CLIP1: variants seen among roughly 807,000 people sequenced by gnomAD.
CLIP1 encodes the protein CAP-Gly domain-containing linker protein 1.
A neutral mutation model predicts 161.6 loss-of-function variants in CLIP1; 66 were observed. The observed-to-expected ratio is 0.41, with a 90% CI of 0.33 to 0.50. The LOEUF (loss-of-function observed/expected upper bound fraction) is 0.50. Among genes scored for constraint, CLIP1 ranks in the 20% least tolerant of loss-of-function variants. The pLI, the probability that CLIP1 is intolerant of heterozygous loss-of-function variation, is 0.27. For missense variants in CLIP1, 1,376 were observed against 1,702.0 expected, an observed-to-expected ratio of 0.81 and a Z score of 3.37; for synonymous variants, 598 against 626.2, an observed-to-expected ratio of 0.96 and a Z score of 0.67.
chr12:122,316,748 C>G lies in CLIP1; in HGVS notation c.3473+1G>C. The G allele has an allele frequency of 6.7e-7, 1 of 1,500,254 alleles. No homozygotes were observed. Among genetic ancestry groups the G allele is most frequent in the Non-Finnish European group, 9.1e-7 (1 of 1,102,874 alleles). 92.9% of individuals were successfully genotyped at this position (1,500,254 alleles called of 1,614,324 possible). On this transcript the variant is annotated splice_donor_variant, in intron 19 of 25. Transcript: ENST00000620786. LOFTEE classifies it high-confidence loss of function. The stretch of plus-strand genomic sequence containing the variant: ...TTTTTTCTCAAAGGATAGAAACTTA[C>G]ATTTCTTTCCTAAATTCTTCCATTT...
chr12:122,400,014 T>C (rs1321696370), intron 1 of CLIP1: 1 of 152,136 alleles, frequency 6.6e-6, no homozygotes, highest in African/African-American at 2.4e-5. Flanking sequence ...CACAGCTTAA[T>C]CCTGTCCCCT....
rs781147483 is a variant in CLIP1 at position 122,278,140 on chromosome 12, G to A, written c.3966+14C>T. 6.2e-7 allele frequency: 1 copy of A among 1,606,174 alleles called. No individual in the cohort carries two copies. The highest frequency in any genetic ancestry group is 1.3e-5 in the African/African-American group (1 of 74,650). ...AAACAGCAAGAAAGTAAAGCAATAA[G>A]GCAGGAACATTACCTGACTCTCCTG... is the stretch of plus-strand genomic sequence containing the variant. On this transcript the variant is annotated intron_variant, in intron 24 of 25. Coordinates refer to ENST00000620786, the MANE Select transcript of CLIP1 (RefSeq NM_001247997.2).
chr12:122,330,738 T>G (rs1181961108), intron 15 of CLIP1, among the ~76,000 whole-genome samples: 2 of 150,600 alleles, frequency 1.3e-5, no homozygotes, highest in Non-Finnish European at 3.0e-5. Context: ...TAGCTGGGAA[T>G]CCAGGCACCT....
At chr12:122,390,267 C>CATATATATATACATATATATATAT (rs1335051470) in intron 1 of CLIP1, among the ~76,000 whole-genome samples, 1 of 71,290 alleles carries the variant, frequency 1.4e-5, no homozygotes, top group East Asian at 6.1e-4. Flanking sequence ...TATACACACA[C>CATATATATATACATATATATATAT]ATATATATAT....
intron 3 of CLIP1, among the ~76,000 whole-genome samples, chr12:122,370,302 T>C (rs1762072854): frequency 6.6e-6 from 1 of 152,036 alleles, no homozygotes; most frequent in African/African-American, 2.4e-5. Context: ...GCACTGCAAG[T>C]CCAAGGAAGG....
At chr12:122,336,025 G>A (rs1259100638) in intron 12 of CLIP1, among the ~76,000 whole-genome samples, 5 of 152,024 alleles carry the variant, frequency 3.3e-5, no homozygotes, top group South Asian at 2.1e-4. Flanking sequence ...GTTTAAACTC[G>A]GGTTTTCAGT....
At chr12:122,332,273 CAAG>C (rs1952009618) in intron 15 of CLIP1, among the ~76,000 whole-genome samples, 1 of 101,528 alleles carries the variant, frequency 9.8e-6, no homozygotes, top group Non-Finnish European at 2.0e-5. Flanking sequence ...CCAGACTGGG[CAAG>C]AAGAGCAAAA....
chr12:122,399,836 T>C (rs778291222), intron 1 of CLIP1: 7 of 152,158 alleles, frequency 4.6e-5, no homozygotes, highest in Non-Finnish European at 7.3e-5. Flanking sequence ...TAAAATGCTG[T>C]ATGTCCATGA....
At chr12:122,280,503 G>C (rs979971547) in intron 21 of CLIP1, 2 of 152,242 alleles carry the variant, frequency 1.3e-5, no homozygotes, top group African/African-American at 4.8e-5. Flanking sequence ...CGGGATCCTA[G>C]TTTGGATGCT....
At chr12:122,324,447 A>G (rs1455122489) in intron 17 of CLIP1, 1 of 152,246 alleles carries the variant, frequency 6.6e-6, no homozygotes, top group African/African-American at 2.4e-5. Context: ...TGCAAGCCCA[A>G]ATAACTTAAT....
chr12:122,422,807 G>A (rs1216436899), upstream of CLIP1, among the ~76,000 whole-genome samples: 1 of 146,048 alleles, frequency 6.8e-6, no homozygotes, highest in Admixed American at 6.8e-5. Flanking sequence ...CCGCCTCTTT[G>A]TCTGCGCCCA....
At chr12:122,357,663 A>G (rs1441869263) in intron 5 of CLIP1, among the ~76,000 whole-genome samples, 3 of 146,050 alleles carry the variant, frequency 2.1e-5, no homozygotes, top group Non-Finnish European at 4.5e-5. Flanking sequence ...CTGCCCGGCC[A>G]GCCGCCCCGT....
rs985077083 is a variant in CLIP1 at position 122,370,111 on chromosome 12, C to T, written c.658-6004G>A. 6.2e-4 allele frequency among the ~76,000 whole-genome samples: 92 copies of T among 149,494 alleles called. 1 individual carries two copies. Among genetic ancestry groups the T allele is most frequent in the Non-Finnish European group, 3.0e-5 (2 of 67,634 alleles). On this transcript the variant is annotated intron_variant, in intron 3 of 25. Transcript: ENST00000620786. ...CCTGTAGGCAGAGGGTGCAATGAGC[C>T]GAAATGGCGCTGCTGCACTTCAGCC...
At chr12:122,375,164 T>TA (rs1024714352) in intron 3 of CLIP1, among the ~76,000 whole-genome samples, 97 of 149,962 alleles carry the variant, frequency 6.5e-4, no homozygotes, top group African/African-American at 1.3e-3. Flanking sequence ...TGCCCCTCTT[T>TA]AAAAAAAAAA....
In CLIP1 at chr12:122,272,944, G is replaced by T; in HGVS notation, c.4248C>A (p.Arg1416=). 6.2e-7 allele frequency: 1 copy of T among 1,614,184 alleles called. No individual in the cohort carries two copies. The highest frequency in any genetic ancestry group is 8.5e-7 in the Non-Finnish European group (1 of 1,180,022). The change falls in exon 26 of 26, where the codon CGC becomes CGA. Residue 1416 remains arginine, a synonymous_variant. Coordinates refer to ENST00000620786, the MANE Select transcript of CLIP1 (RefSeq NM_001247997.2). Reference sequence around the variant, plus strand: ...ACATCTCACAGATTTCACAGTATGGGCGTTCCTCACCCCGACTGCCATGGT... The same window carrying T: ...ACATCTCACAGATTTCACAGTATGGTCGTTCCTCACCCCGACTGCCATGGT... The part of the protein sequence containing the change: ...STHHGSRGEE[R]PYCEICEMFG...
At chr12:122,387,778 G>T (rs984222217) in intron 1 of CLIP1, among the ~76,000 whole-genome samples, 1 of 150,768 alleles carries the variant, frequency 6.6e-6, no homozygotes, top group Non-Finnish European at 1.5e-5. Flanking sequence ...GTAGAAGTGC[G>T]GTCTGCTATG....
chr12:122,276,478 G>A, intron 24 of CLIP1: 1 of 1,288,944 alleles, frequency 7.8e-7, no homozygotes, highest in Non-Finnish European at 1.0e-6. Flanking sequence ...AGCAGCAGAT[G>A]AAACAAACCG....
chr12:122,355,350 C>G lies in CLIP1; in HGVS notation c.1006-38G>C. On this transcript the variant is annotated intron_variant, in intron 5 of 25. Transcript: ENST00000620786. The surrounding 1 kb of genome is among the most constrained non-coding windows in gnomAD (Gnocchi z 4.1). Reference sequence around the variant, plus strand: ...GTTAGAGAAATGAAGGGCGATGATGCTGTCAGAAAAGCGAGGGAGGCGCGA... The same window carrying G: ...GTTAGAGAAATGAAGGGCGATGATGGTGTCAGAAAAGCGAGGGAGGCGCGA... 6.3e-7 allele frequency: 1 copy of G among 1,587,038 alleles called. No individual in the cohort carries two copies. Among genetic ancestry groups the G allele is most frequent in the Admixed American group, 1.7e-5 (1 of 59,312 alleles).
At chr12:122,277,807 G>A (rs1955490309) in intron 24 of CLIP1, 3 of 206,334 alleles carry the variant, frequency 1.5e-5, no homozygotes, top group East Asian at 1.2e-4. Flanking sequence ...GTGCAGAACC[G>A]TTTATGTAGT....
Sources: allele counts gnomAD v4.1 joint callset (sites outside exome capture counted in the v4.1 genomes callset), GRCh38; gene constraint gnomAD v4.1.1; non-coding constraint Gnocchi (gnomAD v3.1); transcripts MANE v1.5; gene names NCBI Gene and HGNC (gene_info 2026-07-23, HGNC 2026-07-21).